The following EYS variants were observed in gnomAD, a reference collection of about 807,000 sequenced individuals.
EYS encodes the protein EGF-like photoreceptor maintenance factor.
Under a neutral mutation model 282.1 loss-of-function variants are expected in EYS, and 250 were observed. The ratio of observed to expected loss-of-function variants is 0.89; its 90% CI spans 0.80 to 0.98. The LOEUF is 0.98. Among genes scored for constraint, EYS ranks in the 50% least tolerant of loss-of-function variants. EYS has a pLI of 0.00. For missense variants in EYS, 4,016 were observed against 3,709.0 expected, an observed-to-expected ratio of 1.08 and a Z score of -2.15; for synonymous variants, 1,355 against 1,282.9, an observed-to-expected ratio of 1.06 and a Z score of -1.20.
At chr6:63,727,706 C>CAAAAAAAAAAAAAAAA (rs1169878020) in intron 41 of EYS, among the ~76,000 whole-genome samples, 1 of 9,526 alleles carries the variant, frequency 1.0e-4, no homozygotes, top group Non-Finnish European at 1.6e-4. Flanking sequence ...CACCATCTCT[C>CAAAAAAAAAAAAAAAA]AAAAAAAAAA....
At chr6:64,690,291 C>A (rs1770331345) in intron 22 of EYS, among the ~76,000 whole-genome samples, 1 of 152,052 alleles carries the variant, frequency 6.6e-6, no homozygotes, top group African/African-American at 2.4e-5. Context: ...CCATCTCACA[C>A]CAGTTAGAAT....
rs9452041 is a variant in EYS, at chr6:64,577,257, A to G, written c.5644+12966T>C. 8.5e-3 allele frequency among the ~76,000 whole-genome samples: 1,292 copies of G among 152,212 alleles called. 25 individuals carry two copies. Among genetic ancestry groups the G allele is most frequent in the African/African-American group, 0.03 (1,241 of 41,542 alleles). Reference sequence around the variant, plus strand: ...ATTGTGGCAGACCTAGAAGACTAATATGTTACATTGTTCATCAAAATATAT... The same window carrying G: ...ATTGTGGCAGACCTAGAAGACTAATGTGTTACATTGTTCATCAAAATATAT... On this transcript the variant is annotated intron_variant, in intron 26 of 42. Transcript: ENST00000503581.
chr6:65,584,426 A>G (rs1764973247), intron 2 of EYS, among the ~76,000 whole-genome samples: 2 of 152,072 alleles, frequency 1.3e-5, no homozygotes, highest in South Asian at 4.1e-4. Context: ...GGCGGTATTT[A>G]TGGTTTCTAT....
intron 28 of EYS, among the ~76,000 whole-genome samples, chr6:64,433,297 A>G (rs753832137): frequency 6.6e-6 from 1 of 152,030 alleles, no homozygotes; most frequent in Admixed American, 6.6e-5. Flanking sequence ...CTGGGGGTGA[A>G]TTGTGTGCAC....
At position 65,665,289 on chromosome 6, in the gene EYS, A is replaced by G. The variant is rs536873151; in HGVS notation, c.-447-25397T>C. 3.3e-5 allele frequency among the ~76,000 whole-genome samples: 5 copies of G among 152,286 alleles called. No individual in the cohort carries two copies. The East Asian group carries it at 9.7e-4, about 29-fold the overall frequency. On this transcript the variant is annotated intron_variant, in intron 1 of 42. Coordinates refer to ENST00000503581, the MANE Select transcript of EYS (RefSeq NM_001142800.2). Reference sequence around the variant, plus strand: ...GCTATGAGATGTTCTTAAATCCCTCACATAATTGCACCAGGAAGTATACTT... The same window carrying G: ...GCTATGAGATGTTCTTAAATCCCTCGCATAATTGCACCAGGAAGTATACTT...
chr6:65,106,532 C>T (rs978813139), intron 12 of EYS, among the ~76,000 whole-genome samples: 3 of 152,024 alleles, frequency 2.0e-5, no homozygotes, highest in African/African-American at 7.2e-5. Flanking sequence ...CTACAAAAGG[C>T]ATACCTACGT....
At chr6:64,514,032 G>A (rs1264762458) in intron 26 of EYS, among the ~76,000 whole-genome samples, 6 of 151,592 alleles carry the variant, frequency 4.0e-5, no homozygotes, top group Admixed American at 6.6e-5. Context: ...AAATAATTAC[G>A]ATGCCTTTTA....
At chr6:64,756,772 T>G (rs890439288) in intron 22 of EYS, among the ~76,000 whole-genome samples, 1 of 152,166 alleles carries the variant, frequency 6.6e-6, no homozygotes, top group Non-Finnish European at 1.5e-5. Flanking sequence ...TTTTGAATCA[T>G]AAGTGTAGAA....
intron 33 of EYS, among the ~76,000 whole-genome samples, chr6:64,002,776 G>T (rs1306883562): frequency 6.6e-6 from 1 of 152,190 alleles, no homozygotes; most frequent in Non-Finnish European, 1.5e-5. Context: ...GGGCTTAAGT[G>T]ATCCTCCTGC....
rs373878715 is a variant in EYS at position 64,294,640 on chromosome 6, T to C, written c.6191+12330A>G. Among the ~76,000 whole-genome samples, 146 of 152,316 alleles carry C rather than the reference T, an allele frequency of 9.6e-4. 1 individual carries two copies. The highest frequency in any genetic ancestry group is 3.7e-3 in the South Asian group (18 of 4,816). On this transcript the variant is annotated intron_variant, in intron 30 of 42. Transcript: ENST00000503581. ...GAGCTTCAATTCTCATAGTGTCATCTGGGGGTTATTTAAATGTTATTTGAC... is the reference window on the plus strand; with the variant it reads ...GAGCTTCAATTCTCATAGTGTCATCCGGGGGTTATTTAAATGTTATTTGAC...
At chr6:64,219,296 T>TAC (rs1268680523) in intron 31 of EYS, among the ~76,000 whole-genome samples, 2 of 152,164 alleles carry the variant, frequency 1.3e-5, no homozygotes, top group African/African-American at 4.8e-5. Context: ...GATTTTTCAA[T>TAC]ACCTACAAGT....
At chr6:65,286,879 A>G in intron 12 of EYS, among the ~76,000 whole-genome samples, 1 of 151,700 alleles carries the variant, frequency 6.6e-6, no homozygotes, top group African/African-American at 2.4e-5. Flanking sequence ...GTATTTGTTC[A>G]TTTGTATGGG....
intron 30 of EYS, among the ~76,000 whole-genome samples, chr6:64,255,200 A>G (rs750308785): frequency 1.2e-4 from 19 of 152,066 alleles, no homozygotes; most frequent in Non-Finnish European, 2.6e-4. Context: ...CATGAACTAC[A>G]TTATGAGTAA....
In EYS at chr6:63,783,876, TTG is replaced by T. The variant is rs150840181; in HGVS notation, c.7723+4227_7723+4228del. ...GGGTGCCCAGATACTTGGTCAAATA[TTG>T]TGTGTGTGTGTGTGTGTTAGGATGA... On this transcript the variant is annotated intron_variant, in intron 39 of 42. Transcript: ENST00000503581. Among the ~76,000 whole-genome samples, 700 of 150,792 alleles carry T rather than the reference TTG, an allele frequency of 4.6e-3. 7 individuals are homozygous for T. The highest frequency in any genetic ancestry group is 0.015 in the African/African-American group (626 of 41,268).
At chr6:65,586,441 T>A (rs955963415) in intron 2 of EYS, among the ~76,000 whole-genome samples, 1 of 152,074 alleles carries the variant, frequency 6.6e-6, no homozygotes, top group Non-Finnish European at 1.5e-5. Context: ...GTATCCTATC[T>A]TAAGGAATGT....
chr6:64,637,284 T>C (rs1247947023), intron 22 of EYS, among the ~76,000 whole-genome samples: 1 of 90,616 alleles, frequency 1.1e-5, no homozygotes, highest in Non-Finnish European at 2.4e-5. Flanking sequence ...AGAGTTCATG[T>C]CCTTTGTAGG....
intron 12 of EYS, among the ~76,000 whole-genome samples, chr6:65,240,845 T>C (rs1767041143): frequency 6.6e-6 from 1 of 152,204 alleles, no homozygotes; most frequent in Non-Finnish European, 1.5e-5. Context: ...TCGAAGTTCT[T>C]TGAGAAATCT....
At chr6:64,562,650 G>T (rs541334241) in intron 26 of EYS, among the ~76,000 whole-genome samples, 81 of 151,836 alleles carry the variant, frequency 5.3e-4, no homozygotes, top group African/African-American at 1.9e-3. Context: ...GATCTGAACT[G>T]GGAAGATTTA....
intron 5 of EYS, among the ~76,000 whole-genome samples, chr6:65,412,385 G>A (rs1015052786): frequency 2.6e-5 from 4 of 152,262 alleles, no homozygotes; most frequent in African/African-American, 9.6e-5. Flanking sequence ...GTTAAGGCAT[G>A]TATAGTTTTT....
Sources: gnomAD v4.1 joint callset for allele counts (sites outside exome capture counted in the v4.1 genomes callset) on GRCh38, gnomAD v4.1.1 for gene constraint, MANE v1.5 for transcripts, NCBI Gene and HGNC (gene_info 2026-07-23, HGNC 2026-07-21) for gene names.